CDH20: variants seen among roughly 807,000 people sequenced by gnomAD.
CDH20 encodes cadherin-20.
CDH20 carries 29 observed loss-of-function variants against 74.2 expected under a neutral mutation model. The observed-to-expected ratio is 0.39, with a 90% CI of 0.29 to 0.53. The LOEUF is 0.53. Among genes scored for constraint, CDH20 ranks in the 20% least tolerant of loss-of-function variants. The pLI is 0.69. For missense variants in CDH20, 988 were observed against 1,048.3 expected (o/e 0.94, Z 0.79); for synonymous variants, 469 against 405.4 (o/e 1.16, Z -1.88).
At chr18:61,514,784 T>A (rs1457868266) in intron 6 of CDH20, among the ~76,000 whole-genome samples, 1 of 152,076 alleles carries the variant, frequency 6.6e-6, no homozygotes, top group Non-Finnish European at 1.5e-5. Flanking sequence ...GTGCCTCTGC[T>A]GGGGGGTGCC....
At chr18:61,538,204 A>C (rs1228893776) in intron 8 of CDH20, among the ~76,000 whole-genome samples, 2 of 152,188 alleles carry the variant, frequency 1.3e-5, no homozygotes, top group African/African-American at 4.8e-5. Context: ...TTGCAAATGT[A>C]ATTCAAAGAA....
At chr18:61,379,822 C>A (rs1355060329) in intron 1 of CDH20, among the ~76,000 whole-genome samples, 1 of 152,076 alleles carries the variant, frequency 6.6e-6, no homozygotes, top group African/African-American at 2.4e-5. Flanking sequence ...AATTGAGAAA[C>A]CTGTCAAGAG....
chr18:61,413,029 T>G (rs1190368502), intron 1 of CDH20, among the ~76,000 whole-genome samples: 1 of 152,214 alleles, frequency 6.6e-6, no homozygotes, highest in Non-Finnish European at 1.5e-5. Flanking sequence ...AAAAATGAAG[T>G]CAGGAGACGG....
intron 1 of CDH20, among the ~76,000 whole-genome samples, chr18:61,349,882 T>C (rs1488022505): frequency 4.6e-5 from 7 of 152,154 alleles, no homozygotes; most frequent in African/African-American, 1.4e-4. Flanking sequence ...GAGCTGAAGA[T>C]TTAAATGGAT....
At chr18:61,452,671 T>C (rs17068319) in intron 1 of CDH20, among the ~76,000 whole-genome samples, 2 of 151,624 alleles carry the variant, frequency 1.3e-5, no homozygotes, top group African/African-American at 4.9e-5. Flanking sequence ...GCCCCAAATA[T>C]GCACCAGTCT....
intron 1 of CDH20, among the ~76,000 whole-genome samples, chr18:61,364,022 C>T (rs931826771): frequency 6.6e-6 from 1 of 152,230 alleles, no homozygotes; most frequent in African/African-American, 2.4e-5. Flanking sequence ...ACCAGATACA[C>T]TTGGAACTGC....
chr18:61,527,166 C>T lies in CDH20; in HGVS notation c.1018-801C>T, dbSNP rs376340953. 5.3e-5 allele frequency among the ~76,000 whole-genome samples: 8 copies of T among 152,136 alleles called. No homozygotes were observed. In the East Asian group the frequency reaches 5.8e-4, roughly 11 times the overall value. ...TTGCATTCTAGCCTGGGTGACAGAGCGAGACTCCATCTCAAAAAATAATAG... is the reference window on the plus strand; with the variant it reads ...TTGCATTCTAGCCTGGGTGACAGAGTGAGACTCCATCTCAAAAAATAATAG... On this transcript the variant is annotated intron_variant, in intron 6 of 11. Transcript: ENST00000262717.
chr18:61,420,357 CTT>C (rs60607711), intron 1 of CDH20, among the ~76,000 whole-genome samples: 163 of 135,156 alleles, frequency 1.2e-3, no homozygotes, highest in East Asian at 3.2e-3. Context: ...TCTTCACAGG[CTT>C]TTTTTTTTTT....
intron 6 of CDH20, among the ~76,000 whole-genome samples, chr18:61,509,803 C>T (rs911547875): frequency 1.3e-5 from 2 of 151,956 alleles, no homozygotes; most frequent in African/African-American, 4.8e-5. Flanking sequence ...AGGGTTTCAC[C>T]TAAGTAGTGG....
At chr18:61,433,924 C>T (rs1489087505) in intron 1 of CDH20, among the ~76,000 whole-genome samples, 1 of 152,100 alleles carries the variant, frequency 6.6e-6, no homozygotes, top group Non-Finnish European at 1.5e-5. Flanking sequence ...ACAAATTCAG[C>T]AGTAGAATCA....
intron 1 of CDH20, among the ~76,000 whole-genome samples, chr18:61,432,836 T>A (rs1913301980): frequency 6.6e-6 from 1 of 152,212 alleles, no homozygotes; most frequent in Non-Finnish European, 1.5e-5. Context: ...CCTCACCTCC[T>A]CCTACTGCTT....
At chr18:61,539,250 A>G in intron 9 of CDH20, 105 bp downstream of exon 9, 1 of 1,106,794 alleles carries the variant, frequency 9.0e-7, no homozygotes, top group Non-Finnish European at 1.3e-6. Flanking sequence ...CCAGAAACGA[A>G]CAGTTCACAA....
At chr18:61,433,727 T>C (rs1367528639) in intron 1 of CDH20, among the ~76,000 whole-genome samples, 2 of 152,216 alleles carry the variant, frequency 1.3e-5, no homozygotes, top group African/African-American at 4.8e-5. Flanking sequence ...TGAATTTTAC[T>C]TGGGCACTTG....
intron 1 of CDH20, among the ~76,000 whole-genome samples, chr18:61,480,695 C>T (rs771848282): frequency 2.6e-5 from 4 of 152,086 alleles, no homozygotes; most frequent in East Asian, 3.9e-4. Context: ...ATCTTGGATC[C>T]GAAGATTTAT....
chr18:61,512,798 T>G (rs1007414659), intron 6 of CDH20, among the ~76,000 whole-genome samples: 1 of 152,126 alleles, frequency 6.6e-6, no homozygotes, highest in Non-Finnish European at 1.5e-5. Flanking sequence ...TCAGTTTCCA[T>G]GTAGTTGAGC....
intron 1 of CDH20, among the ~76,000 whole-genome samples, chr18:61,334,586 G>A (rs1013872254): frequency 6.6e-6 from 1 of 152,182 alleles, no homozygotes; most frequent in African/African-American, 2.4e-5. Context: ...GATTTGCAAA[G>A]AGAACGTTAC....
intron 1 of CDH20, among the ~76,000 whole-genome samples, chr18:61,452,443 C>T (rs1310717192): frequency 3.3e-5 from 5 of 152,022 alleles, no homozygotes; most frequent in Non-Finnish European, 7.4e-5. Context: ...GTTTTTTCCA[C>T]CTAGAAATTG....
At chr18:61,407,709 C>G (rs1432073350) in intron 1 of CDH20, among the ~76,000 whole-genome samples, 1 of 152,162 alleles carries the variant, frequency 6.6e-6, no homozygotes, top group Non-Finnish European at 1.5e-5. Flanking sequence ...TAACCCAATG[C>G]AGTCATAGAA....
At chr18:61,425,017 CCT>C in intron 1 of CDH20, among the ~76,000 whole-genome samples, 1 of 148,030 alleles carries the variant, frequency 6.8e-6, no homozygotes, top group South Asian at 2.2e-4. Context: ...AGTTCCTCTC[CCT>C]CTCTCTCCCA....
Sources: gnomAD v4.1 joint callset for allele counts (sites outside exome capture counted in the v4.1 genomes callset) on GRCh38, gnomAD v4.1.1 for gene constraint, MANE v1.5 for transcripts, NCBI Gene and HGNC (gene_info 2026-07-23, HGNC 2026-07-21) for gene names.